Variants in SHISA6 observed in about 807,000 individuals in gnomAD.
SHISA6 encodes the protein shisa family member 6.
Under a neutral mutation model 47.9 loss-of-function variants are expected in SHISA6, and 22 were observed. That is an observed-to-expected ratio of 0.46 (90% confidence interval 0.33 to 0.66). SHISA6 has a LOEUF of 0.66. Ranked by LOEUF, SHISA6 falls within the 30% of genes least tolerant of loss-of-function variation. SHISA6 has a pLI of 0.02. For missense variants in SHISA6, 680 were observed against 764.6 expected, an observed-to-expected ratio of 0.89 and a Z score of 1.30; for synonymous variants, 388 against 337.8, an observed-to-expected ratio of 1.15 and a Z score of -1.63.
intron 2 of SHISA6, among the ~76,000 whole-genome samples, chr17:11,287,035 C>G (rs1467232753): frequency 6.6e-6 from 1 of 152,102 alleles, no homozygotes; most frequent in Non-Finnish European, 1.5e-5. Context: ...ATGTTTTTTA[C>G]TTTAACAATT....
At chr17:11,377,125 T>C (rs74330668) in intron 2 of SHISA6, among the ~76,000 whole-genome samples, 7,022 of 152,280 alleles carry the variant, frequency 0.046, 288 homozygotes, top group Admixed American at 0.096. Flanking sequence ...TTCATTTCAT[T>C]GAACTCAACA....
Position 11,242,060 on chromosome 17 carries a change from G to A in SHISA6, c.638G>A (p.Arg213Lys). 7.1e-6 allele frequency: 11 copies of A among 1,550,230 alleles called. No individual in the cohort carries two copies. The highest frequency in any genetic ancestry group is 9.6e-6 in the Non-Finnish European group (11 of 1,146,998). ...HRPPREMNIHRALADILRQQG... is the reference protein window; with the variant it reads ...HRPPREMNIHKALADILRQQG... Reference sequence around the variant, plus strand: ...CCTCCACGGGAGATGAACATCCACAGGTGAGAGCGCCGCGTGCCGCGCGCC... The same window carrying A: ...CCTCCACGGGAGATGAACATCCACAAGTGAGAGCGCCGCGTGCCGCGCGCC... Residue 213 changes from arginine to lysine, a missense_variant and splice_region_variant, in exon 1 of 6, where the codon AGG (arginine) becomes AAG (lysine). Arg to Lys is a conservative substitution (Grantham distance 26, BLOSUM62 2). Coordinates refer to ENST00000441885, the MANE Select transcript of SHISA6 (RefSeq NM_207386.4).
chr17:11,460,555 C>G (rs548508535), intron 3 of SHISA6, among the ~76,000 whole-genome samples: 2 of 152,246 alleles, frequency 1.3e-5, no homozygotes, highest in South Asian at 2.1e-4. Context: ...CCATGCCTGG[C>G]TAATTTTGTA....
At chr17:11,526,877 CATCATATAT>C (rs2071686628) in intron 3 of SHISA6, among the ~76,000 whole-genome samples, 1 of 41,138 alleles carries the variant, frequency 2.4e-5, no homozygotes, top group East Asian at 1.1e-3. Context: ...AGCTATCTAT[CATCATATAT>C]ATATATATAT....
At chr17:11,294,886 T>C (rs1909689625) in intron 2 of SHISA6, among the ~76,000 whole-genome samples, 1 of 152,232 alleles carries the variant, frequency 6.6e-6, no homozygotes, top group Non-Finnish European at 1.5e-5. Flanking sequence ...GGAAGCACTT[T>C]ACAGCTTCTC....
At chr17:11,311,291 A>C (rs1267209346) in intron 2 of SHISA6, among the ~76,000 whole-genome samples, 8 of 143,094 alleles carry the variant, frequency 5.6e-5, no homozygotes, top group Non-Finnish European at 1.1e-4. Flanking sequence ...AAAAAAAAAA[A>C]AAAAAAAAAC....
chr17:11,288,682 G>C (rs1909411982), intron 2 of SHISA6: 1 of 152,106 alleles, frequency 6.6e-6, no homozygotes, highest in Non-Finnish European at 1.5e-5. Context: ...TTCCTGTTGT[G>C]AATTCTGTCA....
intron 4 of SHISA6, 131 bp downstream of exon 4, chr17:11,552,083 C>G: frequency 3.3e-6 from 3 of 903,976 alleles, no homozygotes; most frequent in Non-Finnish European, 5.1e-6. Flanking sequence ...CAAGGAGCCA[C>G]AGGCTCGCCC....
At chr17:11,295,480 C>T (rs898178402) in intron 2 of SHISA6, among the ~76,000 whole-genome samples, 3 of 151,928 alleles carry the variant, frequency 2.0e-5, no homozygotes, top group South Asian at 2.1e-4. Flanking sequence ...CAAATTAATA[C>T]AAATTATTGT....
At chr17:11,354,717 T>C (rs973382144) in intron 2 of SHISA6, among the ~76,000 whole-genome samples, 2 of 152,194 alleles carry the variant, frequency 1.3e-5, no homozygotes, top group Non-Finnish European at 2.9e-5. Context: ...GACCAGATGG[T>C]CTGTGCCTTG....
chr17:11,272,404 G>A (rs1908712284), intron 2 of SHISA6, among the ~76,000 whole-genome samples: 2 of 152,130 alleles, frequency 1.3e-5, no homozygotes, highest in South Asian at 4.2e-4. Context: ...GTCCTTGGTG[G>A]CATCCTGGGC....
intron 2 of SHISA6, among the ~76,000 whole-genome samples, chr17:11,341,919 CTG>C (rs547836450): frequency 6.7e-4 from 102 of 152,298 alleles, no homozygotes; most frequent in African/African-American, 2.4e-3. Flanking sequence ...GAGTTTTCCT[CTG>C]AACAGTGGGA....
chr17:11,264,651 A>G (rs1457651431), intron 2 of SHISA6, among the ~76,000 whole-genome samples: 2 of 152,224 alleles, frequency 1.3e-5, no homozygotes, highest in East Asian at 1.9e-4. Context: ...GAGGATGGGC[A>G]ATGTGATCTG....
chr17:11,443,443 A>G (rs80291637), intron 3 of SHISA6, among the ~76,000 whole-genome samples: 5,942 of 152,310 alleles, frequency 0.039, 138 homozygotes, highest in African/African-American at 0.045. Context: ...GGTTCCAAGA[A>G]CAAAGAGAAG....
At chr17:11,342,804 G>A (rs949681660) in intron 2 of SHISA6, among the ~76,000 whole-genome samples, 1 of 152,184 alleles carries the variant, frequency 6.6e-6, no homozygotes, top group East Asian at 1.9e-4. Flanking sequence ...CAGAAGTAGG[G>A]GCAGAGACAG....
At chr17:11,321,325 A>G (rs1910712721) in intron 2 of SHISA6, among the ~76,000 whole-genome samples, 1 of 152,230 alleles carries the variant, frequency 6.6e-6, no homozygotes, top group African/African-American at 2.4e-5. Context: ...TCTTAGCTGC[A>G]AGAGAGGCTA....
At chr17:11,259,775 A>G (rs1429642299) in intron 1 of SHISA6, among the ~76,000 whole-genome samples, 3 of 152,244 alleles carry the variant, frequency 2.0e-5, no homozygotes, top group South Asian at 2.1e-4. Context: ...TTGCTAAATT[A>G]GCTGACCCAG....
chr17:11,391,681 A>G (rs1057499408), intron 3 of SHISA6, among the ~76,000 whole-genome samples: 1 of 152,158 alleles, frequency 6.6e-6, no homozygotes, highest in South Asian at 2.1e-4. Flanking sequence ...AGACTCAACC[A>G]TGGCCCCAAT....
At chr17:11,393,754 G>A (rs1913470411) in intron 3 of SHISA6, among the ~76,000 whole-genome samples, 1 of 152,098 alleles carries the variant, frequency 6.6e-6, no homozygotes, top group Non-Finnish European at 1.5e-5. Flanking sequence ...CAGAATCAAA[G>A]CAAACAAGGC....
Sources: allele counts gnomAD v4.1 joint callset (sites outside exome capture counted in the v4.1 genomes callset), GRCh38; gene constraint gnomAD v4.1.1; transcripts MANE v1.5; gene names NCBI Gene and HGNC (gene_info 2026-07-23, HGNC 2026-07-21).